Variants in WDR77 observed in about 807,000 individuals in gnomAD.
WDR77 encodes the protein WD repeat domain 77.
Under a neutral mutation model 44.0 loss-of-function variants are expected in WDR77, and 31 were observed. The ratio of observed to expected loss-of-function variants is 0.70; its 90% CI spans 0.53 to 0.95. The LOEUF (loss-of-function observed/expected upper bound fraction) is 0.95. WDR77 is among the 40% of genes least tolerant of loss of function. The probability of loss-of-function intolerance (pLI) is 0.00; values close to 1 mark genes in which losing one functional copy is unlikely to be tolerated. For synonymous variants in WDR77, 186 were observed against 165.7 expected (o/e 1.12, Z -0.94); for missense variants, 390 against 423.9 (o/e 0.92, Z 0.70).
At chr1:111,443,214 A>G in intron 7 of WDR77, 109 bp downstream of exon 7, 2 of 1,035,348 alleles carry the variant, frequency 1.9e-6, no homozygotes, top group Non-Finnish European at 2.8e-6. Flanking sequence ...TCTAGTGTCC[A>G]TGAGGGCTAA....
intron 8 of WDR77, among the ~76,000 whole-genome samples, 197 bp downstream of exon 8, chr1:111,442,456 C>T (rs1652854127): frequency 6.6e-6 from 1 of 152,196 alleles, no homozygotes; most frequent in Non-Finnish European, 1.5e-5. Context: ...CAGACAGAAA[C>T]CATCTAATCT....
chr1:111,441,107 T>C lies in WDR77; in HGVS notation c.*123A>G. 1 of 1,100,138 alleles carries C rather than the reference T, an allele frequency of 9.1e-7. No homozygotes were observed. Among genetic ancestry groups the C allele is most frequent in the Non-Finnish European group, 1.2e-6 (1 of 834,316 alleles). The allele number at this position is 1,100,138 out of a possible 1,614,324, so 68.1% of individuals were successfully genotyped here. On this transcript the variant is annotated 3_prime_UTR_variant, in exon 10 of 10. Coordinates refer to ENST00000235090, the MANE Select transcript of WDR77 (RefSeq NM_024102.4). ...CCCTCAGGCTGAGAGACGATGCCTATTAACGGCACAGATCTAGCATATCAA... is the reference window on the plus strand; with the variant it reads ...CCCTCAGGCTGAGAGACGATGCCTACTAACGGCACAGATCTAGCATATCAA...
rs1229340198 is a variant in WDR77 at position 111,447,697 on chromosome 1, G to A, written c.302-121C>T. On this transcript the variant is annotated intron_variant, in intron 2 of 9. Transcript: ENST00000235090. ...AAGTAAGTTAGTTATTCCTGTAAAA[G>A]CAAAGTCCACATCATTGGAGAGTTC... The A allele has an allele frequency of 2.4e-5, 29 of 1,193,248 alleles. No individual in the cohort carries two copies. In the Admixed American group the frequency reaches 2.8e-4, roughly 12 times the overall value. 73.9% of individuals were successfully genotyped at this position (1,193,248 alleles called of 1,614,324 possible).
chr1:111,443,934 G>A lies in WDR77; in HGVS notation c.565-13C>T. ...AAATTCTATTGTCCTAGAGGAAGGT[G>A]GAACAGAAAAAGGATTTCATAATCC... On this transcript the variant is annotated splice_polypyrimidine_tract_variant and intron_variant, in intron 5 of 9. Coordinates refer to ENST00000235090, the MANE Select transcript of WDR77 (RefSeq NM_024102.4). The A allele has an allele frequency of 6.2e-7, 1 of 1,614,156 alleles. No homozygotes were observed. The highest frequency in any genetic ancestry group is 8.5e-7 in the Non-Finnish European group (1 of 1,180,034).
chr1:111,440,670 AAGG>A lies in WDR77; in HGVS notation c.*557_*559del, dbSNP rs1470423885. The A allele has an allele frequency of 6.6e-6, 1 of 152,234 alleles. No homozygotes were observed. Among genetic ancestry groups the A allele is most frequent in the African/African-American group, 2.4e-5 (1 of 41,444 alleles). The allele number at this position is 152,234 out of a possible 1,614,324, so 9.4% of individuals were successfully genotyped here. A position where few individuals can be genotyped will look rare whatever the true frequency, so the allele number is the denominator to read the frequency against. On this transcript the variant is annotated 3_prime_UTR_variant, in exon 10 of 10. Coordinates refer to ENST00000235090, the MANE Select transcript of WDR77 (RefSeq NM_024102.4). ...TGGATTTCTGATTCAGTTTAATGGT[AAGG>A]AGTTGTGTAAAACCGTACCAAGTCC...
Position 111,442,643 on chromosome 1 carries a change from A to G in WDR77, c.800+10T>C, listed in dbSNP as rs1260744795. The G allele has an allele frequency of 6.5e-7, 1 of 1,539,816 alleles. No individual in the cohort carries two copies. Among genetic ancestry groups the G allele is most frequent in the Non-Finnish European group, 8.8e-7 (1 of 1,137,398 alleles). On this transcript the variant is annotated intron_variant, in intron 8 of 9. Coordinates refer to ENST00000235090, the MANE Select transcript of WDR77 (RefSeq NM_024102.4). ...ATACCCATCAGGCCCCTGATGACAA[A>G]GAACAGTACCTGTGTGGGGAGAACA... is the stretch of plus-strand genomic sequence containing the variant.
At chr1:111,445,512 G>A (rs1422012068) in intron 4 of WDR77, among the ~76,000 whole-genome samples, 1 of 152,182 alleles carries the variant, frequency 6.6e-6, no homozygotes. Flanking sequence ...GTATCTCTCA[G>A]CACTTTGGGA....
At chr1:111,443,553 C>A (rs1453729671) in intron 6 of WDR77, 159 bp from the exon 7 acceptor site, 2 of 829,536 alleles carry the variant, frequency 2.4e-6, no homozygotes, top group East Asian at 1.2e-4. Flanking sequence ...ACCATTTATC[C>A]CAGCAGCCTC....
chr1:111,448,909 C>CGCGGG, intron 1 of WDR77, 105 bp from the exon 2 acceptor site: 1 of 1,535,424 alleles, frequency 6.5e-7, no homozygotes, highest in Non-Finnish European at 8.7e-7. Context: ...AGCTCAGGAA[C>CGCGGG]GCGGGGCAGG....
intron 2 of WDR77, 137 bp downstream of exon 2, chr1:111,448,482 T>C: frequency 1.0e-6 from 1 of 976,260 alleles, no homozygotes; most frequent in Non-Finnish European, 1.6e-6. Context: ...AGAGTTTGCA[T>C]TCGGGGCCAA....
intron 4 of WDR77, among the ~76,000 whole-genome samples, chr1:111,446,615 G>T (rs909503463): frequency 4.6e-5 from 7 of 152,200 alleles, no homozygotes; most frequent in Non-Finnish European, 1.0e-4. Flanking sequence ...CACTGCCTGT[G>T]TAAGGTAAAG....
chr1:111,447,412 G>C, intron 3 of WDR77, 23 bp downstream of exon 3: 5 of 1,613,652 alleles, frequency 3.1e-6, no homozygotes, highest in South Asian at 2.2e-5. Context: ...TTAGAGACAG[G>C]AGCAATGAGA....
chr1:111,441,667 G>A (rs1652821267), intron 9 of WDR77: 2 of 1,099,288 alleles, frequency 1.8e-6, no homozygotes, highest in South Asian at 5.6e-5. Flanking sequence ...AAGGAGGGAA[G>A]TACAATTCAG....
At chr1:111,445,784 T>C (rs544954861) in intron 4 of WDR77, among the ~76,000 whole-genome samples, 6 of 152,178 alleles carry the variant, frequency 3.9e-5, no homozygotes, top group South Asian at 2.1e-4. Flanking sequence ...TTTTTTTTTT[T>C]CCCTGAGACA....
chr1:111,449,088 C>G lies in WDR77; in HGVS notation c.82G>C (p.Glu28Gln), dbSNP rs1172897737. 1 of 1,604,838 alleles carries G rather than the reference C, an allele frequency of 6.2e-7. No individual in the cohort carries two copies. Among genetic ancestry groups the G allele is most frequent in the African/African-American group, 1.3e-5 (1 of 74,788 alleles). ...TACCGCGCAGCCTCCAACTGCCGTT[C>G]CATGCAGGCGGGCGCATTTGGGGGA... ...NLPPNAPACM[E>Q]RQLEAARYRS... Residue 28 changes from glutamate to glutamine, a missense_variant, in exon 1 of 10, where the codon GAA becomes CAA. Coordinates refer to ENST00000235090, the MANE Select transcript of WDR77 (RefSeq NM_024102.4).
intron 2 of WDR77, among the ~76,000 whole-genome samples, chr1:111,448,120 A>G (rs1653126475): frequency 6.6e-6 from 1 of 152,182 alleles, no homozygotes; most frequent in South Asian, 2.1e-4. Flanking sequence ...CAGAGAGGTT[A>G]AATCTATCAA....
intron 2 of WDR77, 62 bp downstream of exon 2, chr1:111,448,557 C>T: frequency 6.2e-7 from 1 of 1,601,550 alleles, no homozygotes; most frequent in Non-Finnish European, 8.6e-7. Flanking sequence ...CCTACGGTAC[C>T]CCAAGTCTCC....
rs1653154856 is a variant in WDR77, at chr1:111,448,583, C to G, written c.301+36G>C. On this transcript the variant is annotated intron_variant, in intron 2 of 9. Transcript: ENST00000235090. ...CCAAGTCTCCATTCTACCGTTCCAC[C>G]CGGGGGTGGGGGTGGATAATGGGAT... The G allele has an allele frequency of 3.1e-6, 5 of 1,613,618 alleles. No individual in the cohort carries two copies. In the East Asian group the frequency reaches 8.9e-5, roughly 29 times the overall value.
intron 7 of WDR77, 78 bp downstream of exon 7, chr1:111,443,245 G>A: frequency 2.9e-6 from 4 of 1,386,204 alleles, no homozygotes; most frequent in Non-Finnish European, 4.0e-6. Flanking sequence ...CAAGGGCCTT[G>A]TGTGTTGTGG....
Sources: gnomAD v4.1 joint callset for allele counts (sites outside exome capture counted in the v4.1 genomes callset) on GRCh38, gnomAD v4.1.1 for gene constraint, MANE v1.5 for transcripts, NCBI Gene and HGNC (gene_info 2026-07-23, HGNC 2026-07-21) for gene names.